CCDC178: variants seen among roughly 807,000 people sequenced by gnomAD.
The protein encoded by CCDC178 is coiled-coil domain-containing protein 178.
Under a neutral mutation model 117.4 loss-of-function variants are expected in CCDC178, and 126 were observed. The observed-to-expected ratio is 1.07, with a 90% CI of 0.93 to 1.24. The LOEUF (loss-of-function observed/expected upper bound fraction) is 1.24, where lower values mean the gene tolerates loss of function less well. CCDC178 is among the 50% of genes most tolerant of loss of function. The pLI, the probability that CCDC178 is intolerant of heterozygous loss-of-function variation, is 0.00. For missense variants in CCDC178, 1,030 were observed against 986.9 expected, an observed-to-expected ratio of 1.04 and a Z score of -0.59; for synonymous variants, 283 against 313.4, an observed-to-expected ratio of 0.90 and a Z score of 1.02.
chr18:33,317,050 G>C (rs936179154), intron 11 of CCDC178, among the ~76,000 whole-genome samples: 3 of 152,080 alleles, frequency 2.0e-5, no homozygotes, highest in Non-Finnish European at 2.9e-5. Flanking sequence ...GATGTGGATG[G>C]GGCCAGATAA....
chr18:33,032,649 T>A (rs578198199), intron 21 of CCDC178, among the ~76,000 whole-genome samples: 1 of 152,098 alleles, frequency 6.6e-6, no homozygotes, highest in African/African-American at 2.4e-5. Context: ...TCATGGAAGG[T>A]TACTGAGAAG....
At chr18:33,414,216 G>T (rs1203841017) in intron 2 of CCDC178, among the ~76,000 whole-genome samples, 1 of 152,102 alleles carries the variant, frequency 6.6e-6, no homozygotes, top group East Asian at 1.9e-4. Flanking sequence ...AAAGCAGCCA[G>T]TTAGAAATCT....
At chr18:33,392,936 A>C (rs1283319342) in intron 4 of CCDC178, among the ~76,000 whole-genome samples, 2 of 152,230 alleles carry the variant, frequency 1.3e-5, no homozygotes, top group Non-Finnish European at 2.9e-5. Flanking sequence ...ACTGTGTTAA[A>C]ATTAATTTGA....
At chr18:33,199,040 T>A (rs1323510532) in intron 20 of CCDC178, among the ~76,000 whole-genome samples, 1 of 151,774 alleles carries the variant, frequency 6.6e-6, no homozygotes. Flanking sequence ...TCTAAACCCT[T>A]CCAATGTGAA....
chr18:33,408,094 AG>A (rs1226926165), intron 3 of CCDC178, among the ~76,000 whole-genome samples: 4 of 151,992 alleles, frequency 2.6e-5, no homozygotes, highest in Non-Finnish European at 5.9e-5. Flanking sequence ...TTTATTTAAA[AG>A]TTGTAAATCC....
At chr18:33,295,414 A>C (rs2062094337) in intron 11 of CCDC178, among the ~76,000 whole-genome samples, 1 of 152,132 alleles carries the variant, frequency 6.6e-6, no homozygotes, top group South Asian at 2.1e-4. Flanking sequence ...CACCAAGTAC[A>C]TGATGAATAA....
In CCDC178 at chr18:33,224,811, A is replaced by C; in HGVS notation, c.1782T>G (p.Ala594=). The C allele has an allele frequency of 6.5e-7, 1 of 1,546,260 alleles. No homozygotes were observed. The highest frequency in any genetic ancestry group is 8.7e-7 in the Non-Finnish European group (1 of 1,144,820). Reference sequence around the variant, plus strand: ...CTTTGTCGAGACTTCTGATTCTTTCAGCTTCATCTTCTAGTTGAAGCAGAG... The same window carrying C: ...CTTTGTCGAGACTTCTGATTCTTTCCGCTTCATCTTCTAGTTGAAGCAGAG... ...QEPLLQLEDE[A]ERIRSLDKEH... is the part of the protein sequence containing the mutation. Residue 594 remains alanine (A), a synonymous_variant, in exon 17 of 23, where the codon GCT becomes GCG. Transcript: ENST00000383096.
intron 20 of CCDC178, among the ~76,000 whole-genome samples, chr18:33,202,126 G>A (rs1367792464): frequency 6.6e-6 from 1 of 151,964 alleles, no homozygotes; most frequent in Non-Finnish European, 1.5e-5. Context: ...CGGGCGCGGT[G>A]GTTCACGCCT....
intron 21 of CCDC178, among the ~76,000 whole-genome samples, chr18:33,027,040 G>A (rs1163820921): frequency 2.0e-5 from 3 of 151,848 alleles, no homozygotes; most frequent in Non-Finnish European, 4.4e-5. Flanking sequence ...GAATCTTGGG[G>A]ATTCAAAATA....
chr18:33,286,764 A>C (rs2060103274), intron 12 of CCDC178, among the ~76,000 whole-genome samples: 1 of 152,204 alleles, frequency 6.6e-6, no homozygotes, highest in African/African-American at 2.4e-5. Flanking sequence ...TGTGATTGTC[A>C]ATAAAATATA....
At chr18:33,013,544 TA>T (rs1259502179) in intron 21 of CCDC178, among the ~76,000 whole-genome samples, 1 of 152,226 alleles carries the variant, frequency 6.6e-6, no homozygotes, top group African/African-American at 2.4e-5. Flanking sequence ...TTTTATGACA[TA>T]AGGCTATGAT....
At chr18:33,111,409 A>C (rs1263955767) in intron 20 of CCDC178, among the ~76,000 whole-genome samples, 2 of 151,636 alleles carry the variant, frequency 1.3e-5, no homozygotes, top group Non-Finnish European at 3.0e-5. Flanking sequence ...AAAATATCAT[A>C]AATTGGTTTT....
At chr18:33,268,541 T>C (rs1340692683) in intron 12 of CCDC178, among the ~76,000 whole-genome samples, 1 of 151,876 alleles carries the variant, frequency 6.6e-6, no homozygotes, top group Non-Finnish European at 1.5e-5. Flanking sequence ...CAATAAGATT[T>C]CACTTGCATA....
chr18:33,304,597 C>A (rs140193949), intron 11 of CCDC178, among the ~76,000 whole-genome samples: 95 of 152,336 alleles, frequency 6.2e-4, no homozygotes, highest in African/African-American at 2.2e-3. Context: ...ATAATGCCTA[C>A]ATGACATAGC....
intron 20 of CCDC178, among the ~76,000 whole-genome samples, chr18:33,138,331 T>A (rs2058154316): frequency 6.6e-6 from 1 of 152,112 alleles, no homozygotes; most frequent in Admixed American, 6.6e-5. Flanking sequence ...GAAAAGGGCA[T>A]CTCCACCTCA....
intron 20 of CCDC178, among the ~76,000 whole-genome samples, chr18:33,154,341 A>T (rs1486227251): frequency 6.6e-6 from 1 of 152,152 alleles, no homozygotes; most frequent in Non-Finnish European, 1.5e-5. Context: ...ATGTCCAAAA[A>T]TATCACAAAT....
chr18:33,020,774 T>TC (rs1404309342), intron 21 of CCDC178, among the ~76,000 whole-genome samples: 4 of 151,982 alleles, frequency 2.6e-5, no homozygotes, highest in African/African-American at 4.8e-5. Flanking sequence ...CTTTTTTTTT[T>TC]CTGATTTCCT....
intron 21 of CCDC178, among the ~76,000 whole-genome samples, chr18:33,049,791 T>G (rs2056712292): frequency 6.6e-6 from 1 of 152,122 alleles, no homozygotes; most frequent in African/African-American, 2.4e-5. Flanking sequence ...TTAAAATATT[T>G]TAAGAATAAG....
intron 21 of CCDC178, among the ~76,000 whole-genome samples, chr18:33,045,863 T>G (rs1177958069): frequency 6.6e-6 from 1 of 152,058 alleles, no homozygotes; most frequent in Non-Finnish European, 1.5e-5. Context: ...GGTCAGGAGT[T>G]CGAGACCAGC....
Sources: allele counts gnomAD v4.1 joint callset (sites outside exome capture counted in the v4.1 genomes callset), GRCh38; gene constraint gnomAD v4.1.1; transcripts MANE v1.5; gene names NCBI Gene and HGNC (gene_info 2026-07-23, HGNC 2026-07-21).